RGS7: variants seen among roughly 807,000 people sequenced by gnomAD.
RGS7 encodes regulator of G protein signaling 7.
In RGS7, 27 loss-of-function variants were observed where a neutral mutation model predicts 81.1. That is an observed-to-expected ratio of 0.33 (90% CI 0.25 to 0.46). RGS7 has a LOEUF of 0.46. Ranked by LOEUF, RGS7 falls within the 20% of genes least tolerant of loss-of-function variation. The probability of loss-of-function intolerance (pLI) is 1.00; values close to 1 mark genes in which losing one functional copy is unlikely to be tolerated. For missense variants in RGS7, 396 were observed against 607.4 expected (o/e 0.65, Z 3.66); for synonymous variants, 208 against 207.7 (o/e 1.00, Z -0.01).
At chr1:241,043,550 A>C (rs1392673875) in intron 3 of RGS7, among the ~76,000 whole-genome samples, 3 of 147,566 alleles carry the variant, frequency 2.0e-5, no homozygotes, top group African/African-American at 7.4e-5. Flanking sequence ...ATCATATATA[A>C]TATTATATAG....
intron 3 of RGS7, among the ~76,000 whole-genome samples, chr1:241,091,921 A>G (rs1388070516): frequency 1.3e-5 from 2 of 152,166 alleles, no homozygotes; most frequent in African/African-American, 4.8e-5. Flanking sequence ...TTTATTATTT[A>G]AAAAAATCTC....
At chr1:241,263,688 T>G (rs551453256) in intron 2 of RGS7, among the ~76,000 whole-genome samples, 2 of 152,318 alleles carry the variant, frequency 1.3e-5, no homozygotes, top group South Asian at 4.1e-4. Context: ...TTTATATGCA[T>G]GAAAACATCA....
At chr1:240,902,822 TATC>T (rs1388429637) in intron 6 of RGS7, among the ~76,000 whole-genome samples, 6 of 152,194 alleles carry the variant, frequency 3.9e-5, no homozygotes, top group Non-Finnish European at 7.3e-5. Flanking sequence ...ATTAGTAACT[TATC>T]ATAACATAAT....
intron 2 of RGS7, among the ~76,000 whole-genome samples, chr1:241,130,927 C>CAAAAAAAAA (rs11365447): frequency 8.9e-5 from 8 of 90,178 alleles, no homozygotes; most frequent in African/African-American, 2.6e-4. Flanking sequence ...GGCTTAATTA[C>CAAAAAAAAA]AAAAAAAAAA....
chr1:240,870,220 A>C (rs919326211), intron 6 of RGS7, 101 bp from the exon 7 acceptor site: 16 of 994,142 alleles, frequency 1.6e-5, no homozygotes, highest in Non-Finnish European at 2.4e-5. Context: ...TTTTTTCCCA[A>C]GTTGTAATTT....
chr1:241,217,666 CA>C (rs1408567257), intron 2 of RGS7, among the ~76,000 whole-genome samples: 2 of 152,168 alleles, frequency 1.3e-5, no homozygotes, highest in Non-Finnish European at 2.9e-5. Flanking sequence ...TGGCAAAAAT[CA>C]AGGTTCTAAT....
chr1:241,002,692 T>A (rs1411293191), intron 3 of RGS7, among the ~76,000 whole-genome samples: 1 of 152,216 alleles, frequency 6.6e-6, no homozygotes, highest in African/African-American at 2.4e-5. Context: ...AAGTAGTGCT[T>A]GGCATATGAT....
At chr1:240,889,607 G>A (rs966540654) in intron 6 of RGS7, among the ~76,000 whole-genome samples, 3 of 152,206 alleles carry the variant, frequency 2.0e-5, no homozygotes, top group Non-Finnish European at 4.4e-5. Context: ...AAAAGCAAGA[G>A]CAGGTAGCAG....
chr1:241,275,187 G>T lies in RGS7; in HGVS notation c.78+80512C>A, dbSNP rs564405257. ...TTCAGCTCTGGTTGGGGGAAAAGTG[G>T]ATTATTAAGAAAACACTTCAGATGT... On this transcript the variant is annotated intron_variant, in intron 2 of 18. Coordinates refer to ENST00000440928, the MANE Select transcript of RGS7 (RefSeq NM_001364886.1). 3.9e-5 allele frequency among the ~76,000 whole-genome samples: 6 copies of T among 152,232 alleles called. No homozygotes were observed. The East Asian group carries it at 9.7e-4, about 24-fold the overall frequency.
chr1:241,273,025 C>A (rs2077997271), intron 2 of RGS7, among the ~76,000 whole-genome samples: 1 of 151,954 alleles, frequency 6.6e-6, no homozygotes, highest in African/African-American at 2.4e-5. Context: ...TGTAATCTGT[C>A]CAATAATTCC....
chr1:241,268,151 A>C (rs1173801239), intron 2 of RGS7, among the ~76,000 whole-genome samples: 1 of 152,164 alleles, frequency 6.6e-6, no homozygotes, highest in Non-Finnish European at 1.5e-5. Flanking sequence ...TGTCTAGAGG[A>C]CTTTTCTGCT....
chr1:240,885,296 C>G (rs1667165098), intron 6 of RGS7, among the ~76,000 whole-genome samples: 1 of 152,118 alleles, frequency 6.6e-6, no homozygotes, highest in Admixed American at 6.5e-5. Flanking sequence ...CTTGCACACT[C>G]TTGGTGGGAG....
At chr1:241,120,606 A>G (rs2066184653) in intron 2 of RGS7, among the ~76,000 whole-genome samples, 1 of 152,080 alleles carries the variant, frequency 6.6e-6, no homozygotes, top group Non-Finnish European at 1.5e-5. Flanking sequence ...TCATCTTCCC[A>G]AAGTGTGGGA....
At chr1:240,867,306 A>G (rs551565558) in intron 9 of RGS7, among the ~76,000 whole-genome samples, 2 of 152,312 alleles carry the variant, frequency 1.3e-5, no homozygotes, top group East Asian at 3.9e-4. Flanking sequence ...GAAAATTGTA[A>G]GGTATTCTTA....
At chr1:241,276,494 A>G (rs2078201317) in intron 2 of RGS7, among the ~76,000 whole-genome samples, 2 of 152,218 alleles carry the variant, frequency 1.3e-5, no homozygotes, top group African/African-American at 2.4e-5. Flanking sequence ...TTTATTTCCA[A>G]TTCTCAATTC....
At chr1:240,795,441 T>A (rs1433680628) in intron 18 of RGS7, among the ~76,000 whole-genome samples, 3 of 152,198 alleles carry the variant, frequency 2.0e-5, no homozygotes, top group Non-Finnish European at 4.4e-5. Context: ...CAGAATAAGT[T>A]ATTTTTCCCT....
chr1:241,174,909 T>TG (rs2071004278), intron 2 of RGS7, among the ~76,000 whole-genome samples: 1 of 140,486 alleles, frequency 7.1e-6, no homozygotes, highest in African/African-American at 2.7e-5. Context: ...TTTTTTTTTT[T>TG]TTTTTTTTTT....
At chr1:240,806,782 CTG>C (rs1688928628) in intron 14 of RGS7, among the ~76,000 whole-genome samples, 1 of 151,820 alleles carries the variant, frequency 6.6e-6, no homozygotes, top group African/African-American at 2.4e-5. Context: ...GTGCATTACA[CTG>C]TGTTCTTTGG....
intron 3 of RGS7, among the ~76,000 whole-genome samples, chr1:240,996,321 T>C (rs1482654231): frequency 1.3e-5 from 2 of 152,182 alleles, no homozygotes; most frequent in Non-Finnish European, 2.9e-5. Context: ...ATTGATCATG[T>C]TGTTCAGGTC....
Sources: allele counts gnomAD v4.1 joint callset (sites outside exome capture counted in the v4.1 genomes callset), GRCh38; gene constraint gnomAD v4.1.1; transcripts MANE v1.5; gene names NCBI Gene and HGNC (gene_info 2026-07-23, HGNC 2026-07-21).